The following HHLA2 variants were observed in gnomAD, a reference collection of about 807,000 sequenced individuals.
The protein encoded by HHLA2 is HHLA2 member of B7 family, also known as HERV-H LTR-associating protein 2.
Under a neutral mutation model 45.9 loss-of-function variants are expected in HHLA2, and 48 were observed. The ratio of observed to expected loss-of-function variants is 1.05; its 90% confidence interval spans 0.83 to 1.33. The LOEUF (loss-of-function observed/expected upper bound fraction) is 1.33. Ranked by LOEUF, HHLA2 falls within the 40% of genes most tolerant of loss-of-function variation. The pLI is 0.00. For missense variants in HHLA2, 462 were observed against 494.3 expected (o/e 0.93, Z 0.62); for synonymous variants, 161 against 173.9 (o/e 0.93, Z 0.59).
intron 1 of HHLA2, among the ~76,000 whole-genome samples, chr3:108,300,568 C>T (rs896066921): frequency 6.6e-6 from 1 of 152,204 alleles, no homozygotes; most frequent in Admixed American, 6.5e-5. Flanking sequence ...GCTGGTGAAG[C>T]TCCAGTTCTT....
At chr3:108,315,061 C>T (rs991704441) in intron 2 of HHLA2, among the ~76,000 whole-genome samples, 1 of 152,142 alleles carries the variant, frequency 6.6e-6, no homozygotes, top group African/African-American at 2.4e-5. Context: ...CTTATTTTCC[C>T]AGATGGGTGG....
At chr3:108,322,405 G>A (rs2081218578) in intron 2 of HHLA2, among the ~76,000 whole-genome samples, 1 of 152,186 alleles carries the variant, frequency 6.6e-6, no homozygotes, top group Non-Finnish European at 1.5e-5. Flanking sequence ...TGGAGTGCAG[G>A]AGAGAATCTA....
chr3:108,332,039 C>G (rs1394537884), intron 3 of HHLA2, among the ~76,000 whole-genome samples: 1 of 152,112 alleles, frequency 6.6e-6, no homozygotes, highest in African/African-American at 2.4e-5. Context: ...TTCTGTAGAT[C>G]TTAAAATTGT....
exon 7 of HHLA2, chr3:108,357,964 C>T (rs868107240): frequency 6.2e-7 from 1 of 1,613,796 alleles, no homozygotes; most frequent in South Asian, 1.1e-5. Flanking sequence ...GGGACTTTCT[C>T]TGTCCTGGCT....
chr3:108,359,852 G>A (rs1207345529), intron 7 of HHLA2, among the ~76,000 whole-genome samples: 2 of 152,120 alleles, frequency 1.3e-5, no homozygotes, highest in East Asian at 3.9e-4. Context: ...ACTATGGACA[G>A]TACTAAACCC....
chr3:108,371,868 A>T (rs947772800), intron 8 of HHLA2, among the ~76,000 whole-genome samples: 12 of 152,126 alleles, frequency 7.9e-5, no homozygotes, highest in Non-Finnish European at 1.5e-4. Context: ...CTCCCACACA[A>T]TAATAATGGG....
At chr3:108,318,827 A>T (rs1249533692) in intron 2 of HHLA2, among the ~76,000 whole-genome samples, 1 of 152,166 alleles carries the variant, frequency 6.6e-6, no homozygotes, top group East Asian at 1.9e-4. Context: ...CCTACACCAT[A>T]TGGAAGTGCA....
chr3:108,352,025 A>T, intron 4 of HHLA2, 148 bp downstream of exon 3: 1 of 574,132 alleles, frequency 1.7e-6, no homozygotes, highest in Non-Finnish European at 3.1e-6. Context: ...AACAGGCTGG[A>T]AGTCTGCATG....
chr3:108,373,035 A>G, intron 8 of HHLA2, among the ~76,000 whole-genome samples: 1 of 152,236 alleles, frequency 6.6e-6, no homozygotes, highest in Non-Finnish European at 1.5e-5. Flanking sequence ...AAAAAAGAGA[A>G]TTTTAGACCA....
intron 3 of HHLA2, among the ~76,000 whole-genome samples, chr3:108,337,406 G>A (rs2081492300): frequency 6.6e-6 from 1 of 152,102 alleles, no homozygotes; most frequent in African/African-American, 2.4e-5. Context: ...CAGCAGCTGT[G>A]GGTAACTTTG....
chr3:108,333,594 T>TA (rs2081422095), intron 3 of HHLA2, among the ~76,000 whole-genome samples: 2 of 34,266 alleles, frequency 5.8e-5, no homozygotes, highest in Non-Finnish European at 1.0e-4. Flanking sequence ...GCTCTCTCAG[T>TA]AACCAAAAAA....
chr3:108,297,754 C>T (rs867312794), intron 1 of HHLA2, among the ~76,000 whole-genome samples: 59 of 152,246 alleles, frequency 3.9e-4, no homozygotes, highest in Middle Eastern at 3.4e-3. Context: ...TATCAGTTGG[C>T]CTGAGCTGGG....
chr3:108,330,988 A>C lies in HHLA2; in HGVS notation c.-27+2641A>C, dbSNP rs113491182. Among the ~76,000 whole-genome samples the C allele has an allele frequency of 1.7e-3, 258 of 152,312 alleles. 1 individual carries two copies. The highest frequency in any genetic ancestry group is 5.9e-3 in the African/African-American group (246 of 41,572). ...GAATTGTGGTGAGGTCCCCAAGGAAAGAAAGTGCTGTTAGAGGGACAAGGG... is the reference window on the plus strand; with the variant it reads ...GAATTGTGGTGAGGTCCCCAAGGAACGAAAGTGCTGTTAGAGGGACAAGGG... On this transcript the variant is annotated intron_variant, in intron 3 of 10. Coordinates refer to ENST00000619531, the Ensembl canonical transcript of HHLA2.
chr3:108,339,990 C>T (rs918064640), intron 3 of HHLA2, among the ~76,000 whole-genome samples: 1 of 152,112 alleles, frequency 6.6e-6, no homozygotes, highest in African/African-American at 2.4e-5. Context: ...ACAGATGTGG[C>T]CCCAAATAAG....
intron 1 of HHLA2, among the ~76,000 whole-genome samples, chr3:108,306,280 C>T (rs2080927452): frequency 6.6e-6 from 1 of 152,188 alleles, no homozygotes; most frequent in Non-Finnish European, 1.5e-5. Context: ...GTGTCTGCTT[C>T]TTGTAGAACG....
chr3:108,305,227 G>A (rs976217125), intron 1 of HHLA2, among the ~76,000 whole-genome samples: 1 of 152,150 alleles, frequency 6.6e-6, no homozygotes, highest in Non-Finnish European at 1.5e-5. Flanking sequence ...CTTTATTTGG[G>A]AGGTTAAAAA....
At chr3:108,296,935 A>G (rs2080770529) in intron 1 of HHLA2, among the ~76,000 whole-genome samples, 1 of 152,218 alleles carries the variant, frequency 6.6e-6, no homozygotes, top group Non-Finnish European at 1.5e-5. Flanking sequence ...AATCTCTAAG[A>G]GTGTATTCTT....
chr3:108,357,278 G>A (rs1045185115), intron 6 of HHLA2, among the ~76,000 whole-genome samples: 2 of 152,170 alleles, frequency 1.3e-5, no homozygotes, highest in Non-Finnish European at 1.5e-5. Flanking sequence ...GATGGAGCTG[G>A]GTCTGGAGGG....
exon 11 of HHLA2, chr3:108,378,219 T>C (rs2082307502): frequency 6.6e-6 from 1 of 152,256 alleles, no homozygotes; most frequent in East Asian, 1.9e-4. Context: ...CACCCTTCGC[T>C]GACTCTCTTT....
Sources: allele counts gnomAD v4.1 joint callset (sites outside exome capture counted in the v4.1 genomes callset), GRCh38; gene constraint gnomAD v4.1.1; transcripts MANE v1.5; gene names NCBI Gene and HGNC (gene_info 2026-07-23, HGNC 2026-07-21).